The following NWD1 variants were observed in gnomAD, a reference collection of about 807,000 sequenced individuals.
NWD1 encodes NACHT and WD repeat domain containing 1, also known as NACHT domain- and WD repeat-containing protein 1.
Under a neutral mutation model 135.1 loss-of-function variants are expected in NWD1, and 129 were observed. That is an observed-to-expected ratio of 0.96 (90% CI 0.83 to 1.11). NWD1 has a LOEUF of 1.11. NWD1 is among the 50% of genes least tolerant of loss of function. NWD1 has a pLI of 0.00. For missense variants in NWD1, 1,740 were observed against 1,851.3 expected (o/e 0.94, Z 1.10); for synonymous variants, 773 against 786.0 (o/e 0.98, Z 0.28).
Position 16,744,444 on chromosome 19 carries a change from C to A in NWD1, c.222C>A (p.Gly74=), listed in dbSNP as rs1599450742. The A allele has an allele frequency of 6.5e-7, 1 of 1,535,740 alleles. No homozygotes were observed. Among genetic ancestry groups the A allele is most frequent in the East Asian group, 2.4e-5 (1 of 40,904 alleles). ...AGGCCCTCATCGGTGATCAGTACGG[C>A]CCCTGTCTGATTCCCTCGCGGATCG... ...AFVALIGDQY[G]PCLIPSRIDE... The change falls in exon 5 of 19, where the codon GGC becomes GGA. Residue 74 remains glycine, a synonymous_variant. Coordinates refer to ENST00000524140, the MANE Select transcript of NWD1 (RefSeq NM_001007525.5).
chr19:16,798,940 A>AG (rs1301018046), intron 16 of NWD1, among the ~76,000 whole-genome samples: 2 of 94,746 alleles, frequency 2.1e-5, no homozygotes, highest in African/African-American at 2.3e-4. Context: ...TAAAATAATT[A>AG]AAAAAAAAAA....
rs367694328 is a variant in NWD1 at position 16,734,629 on chromosome 19, T to A, written c.82-2005T>A. On this transcript the variant is annotated intron_variant, in intron 3 of 18. Coordinates refer to ENST00000524140, the MANE Select transcript of NWD1 (RefSeq NM_001007525.5). Reference sequence around the variant, plus strand: ...TGTCGCTCTGTCACCCAGGCTGGAGTGCAGGCATGCAATCACAGCTCACTG... The same window carrying A: ...TGTCGCTCTGTCACCCAGGCTGGAGAGCAGGCATGCAATCACAGCTCACTG... Among the ~76,000 whole-genome samples, 13 of 151,104 alleles carry A rather than the reference T, an allele frequency of 8.6e-5. No homozygotes were observed. In the East Asian group the frequency reaches 1.9e-3, roughly 23 times the overall value.
At chr19:16,801,916 G>C (rs563824268) in intron 17 of NWD1, among the ~76,000 whole-genome samples, 33 of 152,100 alleles carry the variant, frequency 2.2e-4, no homozygotes, top group African/African-American at 8.0e-4. Context: ...AGCTACTCAG[G>C]AGGCAGAAAC....
intron 6 of NWD1, among the ~76,000 whole-genome samples, chr19:16,753,190 C>T (rs1415647294): frequency 1.3e-5 from 2 of 152,174 alleles, no homozygotes; most frequent in East Asian, 3.8e-4. Flanking sequence ...CTTCCTTCGG[C>T]CCCTCTGGAA....
At chr19:16,785,575 A>G (rs1325890225) in intron 12 of NWD1, among the ~76,000 whole-genome samples, 1 of 146,922 alleles carries the variant, frequency 6.8e-6, no homozygotes, top group Non-Finnish European at 1.5e-5. Flanking sequence ...GTGATAAAGA[A>G]AAAAGAGGAT....
intron 10 of NWD1, among the ~76,000 whole-genome samples, chr19:16,770,755 T>C (rs560913403): frequency 6.6e-6 from 1 of 152,308 alleles, no homozygotes; most frequent in East Asian, 1.9e-4. Context: ...GTCCTGTTAC[T>C]GTCATATGAT....
At chr19:16,749,048 C>A (rs552943029) in intron 5 of NWD1, 91 bp from the exon 6 acceptor site, 2 of 967,656 alleles carry the variant, frequency 2.1e-6, no homozygotes, top group Non-Finnish European at 1.6e-6. Flanking sequence ...AATGCACATC[C>A]CCCAACAACA....
chr19:16,780,830 G>A (rs563048889), intron 12 of NWD1, among the ~76,000 whole-genome samples: 5 of 151,998 alleles, frequency 3.3e-5, no homozygotes, highest in Non-Finnish European at 1.5e-5. Flanking sequence ...GCTGATTTTT[G>A]TATTTTTTGG....
chr19:16,779,537 C>T, intron 12 of NWD1, 72 bp downstream of exon 12: 2 of 1,420,214 alleles, frequency 1.4e-6, no homozygotes, highest in Non-Finnish European at 2.0e-6. Context: ...CCCTTCCCCA[C>T]AGATTCACTT....
chr19:16,798,452 A>G (rs1970492500), intron 16 of NWD1, among the ~76,000 whole-genome samples: 1 of 152,060 alleles, frequency 6.6e-6, no homozygotes, highest in Non-Finnish European at 1.5e-5. Flanking sequence ...TCTACAAAAA[A>G]ACACAAAAAT....
intron 18 of NWD1, among the ~76,000 whole-genome samples, chr19:16,811,831 C>T (rs1970934847): frequency 6.6e-6 from 1 of 152,074 alleles, no homozygotes; most frequent in Non-Finnish European, 1.5e-5. Context: ...GCCTGGCCAA[C>T]ATGATGAAAC....
At chr19:16,803,773 AAAT>A (rs1970671735) in intron 17 of NWD1, among the ~76,000 whole-genome samples, 1 of 151,572 alleles carries the variant, frequency 6.6e-6, no homozygotes. Flanking sequence ...AAAAAAAAAA[AAAT>A]TATCTGGGCG....
intron 17 of NWD1, among the ~76,000 whole-genome samples, chr19:16,805,321 A>C (rs570353622): frequency 6.6e-6 from 1 of 151,932 alleles, no homozygotes; most frequent in African/African-American, 2.4e-5. Flanking sequence ...GGCCTCCCAA[A>C]GTGCTAGGAT....
At chr19:16,779,244 T>A (rs560672593) in intron 11 of NWD1, 99 bp from the exon 12 acceptor site, 1 of 1,380,970 alleles carries the variant, frequency 7.2e-7, no homozygotes, top group Non-Finnish European at 1.0e-6. Context: ...GTGCCTCAGT[T>A]GTCTTATCTG....
chr19:16,795,665 C>T (rs765977109), intron 15 of NWD1, among the ~76,000 whole-genome samples: 2 of 152,058 alleles, frequency 1.3e-5, no homozygotes, highest in Non-Finnish European at 2.9e-5. Flanking sequence ...TATCTGCCTG[C>T]GTCTGCCTCC....
At chr19:16,774,246 C>T (rs542821529) in intron 11 of NWD1, among the ~76,000 whole-genome samples, 1 of 150,382 alleles carries the variant, frequency 6.6e-6, no homozygotes, top group South Asian at 2.2e-4. Flanking sequence ...CCCACCCATT[C>T]ATACATCAGT....
chr19:16,772,521 C>CT (rs772201438), intron 10 of NWD1, among the ~76,000 whole-genome samples: 1 of 152,150 alleles, frequency 6.6e-6, no homozygotes. Flanking sequence ...TGGCGGGCAC[C>CT]TGTAGTCCCA....
chr19:16,750,478 G>C (rs745620126), intron 6 of NWD1, 67 bp downstream of exon 6: 15 of 1,270,408 alleles, frequency 1.2e-5, no homozygotes, highest in Non-Finnish European at 1.6e-5. Context: ...TTTAGAGATG[G>C]AGGTCTGGCT....
chr19:16,728,635 G>T (rs968155526), intron 2 of NWD1, among the ~76,000 whole-genome samples: 1 of 151,194 alleles, frequency 6.6e-6, no homozygotes, highest in Non-Finnish European at 1.5e-5. Flanking sequence ...CTGGTTCGGG[G>T]AATGGACACA....
Sources: gnomAD v4.1 joint callset for allele counts (sites outside exome capture counted in the v4.1 genomes callset) on GRCh38, gnomAD v4.1.1 for gene constraint, MANE v1.5 for transcripts, NCBI Gene and HGNC (gene_info 2026-07-23, HGNC 2026-07-21) for gene names.